The following COL14A1 variants were observed in gnomAD, a reference collection of about 807,000 sequenced individuals.
The protein encoded by COL14A1 is collagen alpha-1(XIV) chain.
In COL14A1, 136 loss-of-function variants were observed where a neutral mutation model predicts 230.3. The ratio of observed to expected loss-of-function variants is 0.59; its 90% CI spans 0.51 to 0.68. The LOEUF (loss-of-function observed/expected upper bound fraction) is 0.68, where lower values mean the gene tolerates loss of function less well. Among genes scored for constraint, COL14A1 ranks in the 30% least tolerant of loss-of-function variants. The pLI is 0.00. For missense variants in COL14A1, 1,976 were observed against 2,215.8 expected (o/e 0.89, Z 2.17); for synonymous variants, 792 against 784.1 (o/e 1.01, Z -0.17).
intron 20 of COL14A1, among the ~76,000 whole-genome samples, chr8:120,245,225 G>A (rs966527977): frequency 1.3e-5 from 2 of 152,008 alleles, no homozygotes; most frequent in African/African-American, 4.8e-5. Flanking sequence ...GTTGTTTTTG[G>A]TCATATCATG....
intron 8 of COL14A1, among the ~76,000 whole-genome samples, chr8:120,202,989 A>AATATAT (rs201356550): frequency 0.068 from 7,177 of 106,196 alleles, 346 homozygotes; most frequent in South Asian, 0.087. Flanking sequence ...AATAATTTCA[A>AATATAT]ATATATATAT....
At position 120,326,440 on chromosome 8, in the gene COL14A1, G is replaced by C. The variant is rs1385508376; in HGVS notation, c.4660-5701G>C. 2.6e-5 allele frequency among the ~76,000 whole-genome samples: 4 copies of C among 152,156 alleles called. No homozygotes were observed. The East Asian group carries it at 7.7e-4, about 29-fold the overall frequency. Reference sequence around the variant, plus strand: ...AGCCTAGCAGAATCCCCAGCATGTAGTACCTGTACAGGTATTTCTGGGTAA... The same window carrying C: ...AGCCTAGCAGAATCCCCAGCATGTACTACCTGTACAGGTATTTCTGGGTAA... On this transcript the variant is annotated intron_variant, in intron 40 of 47. Coordinates refer to ENST00000297848, the MANE Select transcript of COL14A1 (RefSeq NM_021110.4).
intron 37 of COL14A1, 75 bp downstream of exon 37, chr8:120,310,137 A>G (rs1366814673): frequency 3.2e-5 from 48 of 1,478,498 alleles, no homozygotes; most frequent in Non-Finnish European, 4.5e-5. Context: ...TTTTGGAGCT[A>G]AATGTGACTT....
chr8:120,296,783 A>G (rs1820542873), intron 34 of COL14A1, among the ~76,000 whole-genome samples: 1 of 152,010 alleles, frequency 6.6e-6, no homozygotes, highest in Non-Finnish European at 1.5e-5. Context: ...AAGCCTGTCT[A>G]AATATTTATG....
At chr8:120,370,636 A>G in intron 47 of COL14A1, 1 of 1,458,992 alleles carries the variant, frequency 6.9e-7, no homozygotes, top group East Asian at 2.7e-5. Context: ...GGATAGAGGT[A>G]TATGATCGTG....
intron 10 of COL14A1, among the ~76,000 whole-genome samples, chr8:120,207,494 A>T (rs918972034): frequency 6.6e-6 from 1 of 152,162 alleles, no homozygotes; most frequent in Non-Finnish European, 1.5e-5. Context: ...ACGTGGTCAT[A>T]TATGGACTAG....
intron 28 of COL14A1, among the ~76,000 whole-genome samples, chr8:120,278,816 T>C (rs1468714221): frequency 6.6e-6 from 1 of 152,060 alleles, no homozygotes; most frequent in African/African-American, 2.4e-5. Flanking sequence ...GCCCTTTATA[T>C]GGAACTCTAG....
In COL14A1 at chr8:120,206,948, G is replaced by A; in HGVS notation, c.1045G>A (p.Ala349Thr). Residue 349 changes from alanine (A) to threonine (T), a missense_variant, in exon 10 of 48, where the codon GCC (alanine) becomes ACC (threonine). Around this residue, in one of 3 missense-constraint regions of COL14A1, gnomAD observed 1,791 missense variants for 2,019.5 expected, o/e 0.89. Coordinates refer to ENST00000297848, the MANE Select transcript of COL14A1 (RefSeq NM_021110.4). ...GATATGTTTTTTTAATTTAGCCTCA[G>A]CCCATGCCATCACTGGGCCGCCTAC... ...EEQDREIKAS[A>T]HAITGPPTEL... 1.2e-6 allele frequency: 2 copies of A among 1,608,312 alleles called. No individual in the cohort carries two copies. Among genetic ancestry groups the A allele is most frequent in the South Asian group, 2.2e-5 (2 of 89,526 alleles).
intron 17 of COL14A1, 38 bp downstream of exon 17, chr8:120,227,390 C>G: frequency 1.9e-6 from 3 of 1,611,380 alleles, no homozygotes; most frequent in Non-Finnish European, 2.5e-6. Flanking sequence ...TTTAGCTGCT[C>G]CCACAATCCC....
chr8:120,142,715 C>T (rs937625647), intron 1 of COL14A1, among the ~76,000 whole-genome samples: 6 of 152,070 alleles, frequency 3.9e-5, no homozygotes, highest in Non-Finnish European at 7.4e-5. Context: ...CAAACTAGTA[C>T]ATTCTTTAAT....
intron 40 of COL14A1, among the ~76,000 whole-genome samples, chr8:120,324,124 T>A (rs1345601515): frequency 6.6e-6 from 1 of 152,170 alleles, no homozygotes; most frequent in East Asian, 1.9e-4. Context: ...TTGGGTACTA[T>A]GCTTATTACC....
intron 1 of COL14A1, among the ~76,000 whole-genome samples, chr8:120,136,385 C>CATATATAT (rs35121765): frequency 2.0e-5 from 3 of 149,286 alleles, no homozygotes; most frequent in African/African-American, 4.9e-5. Context: ...ACACACACTA[C>CATATATAT]ATATATATAT....
At chr8:120,237,689 G>A (rs1160176665) in intron 19 of COL14A1, among the ~76,000 whole-genome samples, 1 of 152,174 alleles carries the variant, frequency 6.6e-6, no homozygotes, top group African/African-American at 2.4e-5. Context: ...AGGAGAAGGG[G>A]CATTCTGGTT....
chr8:120,364,947 A>G (rs1823356952), intron 45 of COL14A1, among the ~76,000 whole-genome samples: 1 of 151,974 alleles, frequency 6.6e-6, no homozygotes, highest in Non-Finnish European at 1.5e-5. Context: ...CCTTGTTAAT[A>G]TATAATTGTG....
intron 42 of COL14A1, 101 bp downstream of exon 42, chr8:120,332,836 C>G (rs1261055827): frequency 2.4e-6 from 2 of 836,938 alleles, no homozygotes; most frequent in Non-Finnish European, 3.7e-6. Context: ...AATGTTTATT[C>G]AGCACTGGAC....
intron 31 of COL14A1, 136 bp downstream of exon 31, chr8:120,281,195 T>C: frequency 1.3e-6 from 1 of 774,048 alleles, no homozygotes; most frequent in Non-Finnish European, 1.9e-6. Flanking sequence ...GATATTTACA[T>C]TTCTTTGTTT....
intron 42 of COL14A1, among the ~76,000 whole-genome samples, chr8:120,340,109 A>AGTGTGTGTGTGT (rs10665249): frequency 2.1e-5 from 3 of 143,946 alleles, no homozygotes; most frequent in African/African-American, 7.8e-5. Context: ...TGAGTGAGTG[A>AGTGTGTGTGTGT]GTGTGTGTGT....
chr8:120,260,378 G>T (rs963740812), intron 23 of COL14A1, among the ~76,000 whole-genome samples: 1 of 151,988 alleles, frequency 6.6e-6, no homozygotes, highest in African/African-American at 2.4e-5. Flanking sequence ...GACAAAAATT[G>T]TGTAAAATTT....
At chr8:120,208,662 GA>G (rs1282109155) in intron 11 of COL14A1, among the ~76,000 whole-genome samples, 1 of 152,076 alleles carries the variant, frequency 6.6e-6, no homozygotes, top group African/African-American at 2.4e-5. Flanking sequence ...TGCCTATTAT[GA>G]ACTAAGAATT....
Sources: allele counts gnomAD v4.1 joint callset (sites outside exome capture counted in the v4.1 genomes callset), GRCh38; gene constraint gnomAD v4.1.1; regional missense constraint gnomAD v4.1.1; transcripts MANE v1.5; gene names NCBI Gene and HGNC (gene_info 2026-07-23, HGNC 2026-07-21).